The following CAMTA1 variants were observed in gnomAD, a reference collection of about 807,000 sequenced individuals.
CAMTA1 encodes the protein calmodulin-binding transcription activator 1.
A neutral mutation model predicts 170.9 loss-of-function variants in CAMTA1; 27 were observed. That is an observed-to-expected ratio of 0.16 (90% CI 0.12 to 0.22). The LOEUF (loss-of-function observed/expected upper bound fraction) is 0.22, where lower values mean the gene tolerates loss of function less well. CAMTA1 is among the 10% of genes least tolerant of loss of function. The pLI, the probability that CAMTA1 is intolerant of heterozygous loss-of-function variation, is 1.00. For missense variants in CAMTA1, 1,619 were observed against 2,217.2 expected (o/e 0.73, Z 5.42); for synonymous variants, 833 against 891.5 (o/e 0.93, Z 1.17).
At chr1:6,950,190 G>A (rs539398227) in intron 3 of CAMTA1, among the ~76,000 whole-genome samples, 55 of 152,284 alleles carry the variant, frequency 3.6e-4, no homozygotes, top group African/African-American at 1.3e-3. Context: ...GGAGGGGGAC[G>A]GCCTTCTCAT....
chr1:7,055,008 C>T (rs565734326), intron 3 of CAMTA1, among the ~76,000 whole-genome samples: 17 of 151,950 alleles, frequency 1.1e-4, no homozygotes, highest in Non-Finnish European at 5.9e-5. Context: ...GGGGAGGTGC[C>T]ACACACTTTA....
Position 6,957,906 on chromosome 1 carries a change from A to C in CAMTA1, c.234+132696A>C, listed in dbSNP as rs1689736641. ...TGAGCTGGGCACAGGCAAGGATCAGACGTGAGGAAGCAAAGCTGAGCTGGT... is the reference window on the plus strand; with the variant it reads ...TGAGCTGGGCACAGGCAAGGATCAGCCGTGAGGAAGCAAAGCTGAGCTGGT... On this transcript the variant is annotated intron_variant, in intron 3 of 22. Transcript: ENST00000303635. 2.0e-5 allele frequency among the ~76,000 whole-genome samples: 3 copies of C among 152,320 alleles called. No individual in the cohort carries two copies. The South Asian group carries it at 6.2e-4, about 32-fold the overall frequency.
intron 5 of CAMTA1, among the ~76,000 whole-genome samples, chr1:7,250,547 A>G (rs1358351422): frequency 1.3e-5 from 2 of 152,224 alleles, no homozygotes; most frequent in Admixed American, 6.5e-5. Flanking sequence ...GCGAGCATAC[A>G]GGATGGATAG....
chr1:7,668,425 ACACACACCCAC>A (rs1364013962), intron 9 of CAMTA1, among the ~76,000 whole-genome samples: 16 of 137,400 alleles, frequency 1.2e-4, no homozygotes, highest in African/African-American at 4.7e-4. Flanking sequence ...ACACACACAC[ACACACACCCAC>A]CACACACCCC....
At chr1:6,920,150 G>A (rs1189912796) in intron 3 of CAMTA1, among the ~76,000 whole-genome samples, 1 of 152,212 alleles carries the variant, frequency 6.6e-6, no homozygotes, top group African/African-American at 2.4e-5. Flanking sequence ...TCAAAAGCAA[G>A]TTAGTTACTT....
At chr1:7,202,174 CATTGTCAAA>C (rs751799497) in intron 4 of CAMTA1, among the ~76,000 whole-genome samples, 3 of 152,098 alleles carry the variant, frequency 2.0e-5, no homozygotes, top group Non-Finnish European at 4.4e-5. Context: ...GTTTTGGTGC[CATTGTCAAA>C]AGTCAATTGA....
At chr1:7,734,236 C>T (rs1424262903) in intron 12 of CAMTA1, among the ~76,000 whole-genome samples, 1 of 152,174 alleles carries the variant, frequency 6.6e-6, no homozygotes, top group Non-Finnish European at 1.5e-5. Flanking sequence ...CATAAGCCAC[C>T]GTGCCCGGCC....
At chr1:7,034,371 G>A (rs1323946658) in intron 3 of CAMTA1, among the ~76,000 whole-genome samples, 3 of 152,076 alleles carry the variant, frequency 2.0e-5, no homozygotes, top group Admixed American at 2.0e-4. Flanking sequence ...GGCCGGGCTG[G>A]TCTTGAACAC....
At chr1:7,219,214 CTG>C (rs1307139523) in intron 4 of CAMTA1, 1 of 151,944 alleles carries the variant, frequency 6.6e-6, no homozygotes. Flanking sequence ...TTTTCCGTTT[CTG>C]TGTTTACGGT....
chr1:6,884,397 C>T (rs372719659), intron 3 of CAMTA1, among the ~76,000 whole-genome samples: 186 of 151,354 alleles, frequency 1.2e-3, no homozygotes, highest in African/African-American at 4.4e-3. Flanking sequence ...TTGATAATAT[C>T]AGGTATTTTT....
At position 6,817,968 on chromosome 1, in the gene CAMTA1, C is replaced by A. The variant is rs112996726; in HGVS notation, c.46-2213C>A. Among the ~76,000 whole-genome samples the A allele has an allele frequency of 4.9e-3, 749 of 152,266 alleles. 7 individuals are homozygous for A. The highest frequency in any genetic ancestry group is 0.017 in the African/African-American group (705 of 41,532). On this transcript the variant is annotated intron_variant, in intron 1 of 22. Transcript: ENST00000303635. ...CCTGAAAACAATTTGACTTCTGAAG[C>A]ACTTGATCATGGGCATAAGGGAGAG...
At chr1:7,288,485 C>A (rs567144703) in intron 5 of CAMTA1, among the ~76,000 whole-genome samples, 27 of 152,292 alleles carry the variant, frequency 1.8e-4, no homozygotes, top group Non-Finnish European at 2.9e-4. Flanking sequence ...AGTTCAACCA[C>A]ACTGGTTGAG....
At position 7,633,842 on chromosome 1, in the gene CAMTA1, G is replaced by A. The variant is rs931084096; in HGVS notation, c.511-6558G>A. ...ATTAGTGCTGCAAAGACAGCGAGGC[G>A]GGAACCAGGCAAGGTGGGCACTGTT... On this transcript the variant is annotated intron_variant, in intron 6 of 22. Transcript: ENST00000303635. The surrounding 1 kb of genome is among the most constrained non-coding windows in gnomAD (Gnocchi z 4.1). Among the ~76,000 whole-genome samples, 3 of 152,254 alleles carry A rather than the reference G, an allele frequency of 2.0e-5. No homozygotes were observed. Among genetic ancestry groups the A allele is most frequent in the Non-Finnish European group, 4.4e-5 (3 of 68,054 alleles).
intron 11 of CAMTA1, among the ~76,000 whole-genome samples, chr1:7,716,377 C>T (rs945320939): frequency 6.6e-6 from 1 of 152,044 alleles, no homozygotes; most frequent in Non-Finnish European, 1.5e-5. Flanking sequence ...TTATTAGCCC[C>T]TAATAATAAA....
chr1:7,343,885 T>C (rs554914344), intron 5 of CAMTA1, among the ~76,000 whole-genome samples: 1 of 152,370 alleles, frequency 6.6e-6, no homozygotes, highest in South Asian at 2.1e-4. Flanking sequence ...AGTTCATCAA[T>C]TTTCGCAGCT....
intron 3 of CAMTA1, among the ~76,000 whole-genome samples, chr1:6,881,220 A>G (rs997199863): frequency 6.6e-6 from 1 of 152,302 alleles, no homozygotes; most frequent in Non-Finnish European, 1.5e-5. Context: ...GTTTATTTCT[A>G]AAGAAGGAAA....
intron 5 of CAMTA1, among the ~76,000 whole-genome samples, chr1:7,346,941 C>T (rs1469621195): frequency 6.6e-6 from 1 of 152,214 alleles, no homozygotes; most frequent in Admixed American, 6.5e-5. Flanking sequence ...GACTGAAGGG[C>T]AAAGTGCATC....
chr1:7,322,258 C>T (rs923703276), intron 5 of CAMTA1, among the ~76,000 whole-genome samples: 1 of 152,216 alleles, frequency 6.6e-6, no homozygotes, highest in Non-Finnish European at 1.5e-5. Flanking sequence ...GTCGGCCCCA[C>T]AATCGAAGGC....
chr1:7,725,119 T>C (rs1263029010), intron 11 of CAMTA1, among the ~76,000 whole-genome samples: 2 of 152,196 alleles, frequency 1.3e-5, no homozygotes, highest in Non-Finnish European at 2.9e-5. Flanking sequence ...ACGGTTGCTA[T>C]GAAAGCCGTC....
Sources: gnomAD v4.1 joint callset for allele counts (sites outside exome capture counted in the v4.1 genomes callset) on GRCh38, gnomAD v4.1.1 for gene constraint, Gnocchi (gnomAD v3.1) non-coding constraint, MANE v1.5 for transcripts, NCBI Gene and HGNC (gene_info 2026-07-23, HGNC 2026-07-21) for gene names.